Variants in GUCY1A2 observed in about 807,000 individuals in gnomAD.
GUCY1A2 encodes the protein guanylate cyclase 1 soluble subunit alpha 2.
GUCY1A2 carries 27 observed loss-of-function variants against 63.5 expected under a neutral mutation model. That is an observed-to-expected ratio of 0.43 (90% CI 0.31 to 0.59). GUCY1A2 has a LOEUF of 0.59. GUCY1A2 is among the 20% of genes least tolerant of loss of function. The probability of loss-of-function intolerance (pLI) is 0.11; values close to 1 mark genes in which losing one functional copy is unlikely to be tolerated. For synonymous variants in GUCY1A2, 364 were observed against 343.5 expected (o/e 1.06, Z -0.66); for missense variants, 768 against 913.3 (o/e 0.84, Z 2.05).
At chr11:106,699,300 A>C (rs1377968868) in intron 7 of GUCY1A2, among the ~76,000 whole-genome samples, 1 of 152,200 alleles carries the variant, frequency 6.6e-6, no homozygotes, top group African/African-American at 2.4e-5. Flanking sequence ...GTAAGGAGTG[A>C]CTTTTTCTTT....
chr11:106,869,219 C>T (rs1004410671), intron 4 of GUCY1A2, among the ~76,000 whole-genome samples: 27 of 152,276 alleles, frequency 1.8e-4, no homozygotes, highest in African/African-American at 4.8e-4. Flanking sequence ...ATGTCTAAAA[C>T]ACCAAAAGCA....
chr11:106,709,627 A>ATTATATACACGTATAGAATATATAGTTAG (rs1565264958), intron 6 of GUCY1A2, among the ~76,000 whole-genome samples: 13 of 30,410 alleles, frequency 4.3e-4, no homozygotes, highest in Admixed American at 1.5e-3. Context: ...ACGTGTATAT[A>ATTATATACACGTATAGAATATATAGTTAG]TTATATACAC....
chr11:106,906,900 A>C (rs1248791956), intron 4 of GUCY1A2, among the ~76,000 whole-genome samples: 1 of 152,142 alleles, frequency 6.6e-6, no homozygotes, highest in African/African-American at 2.4e-5. Flanking sequence ...ACACATGGAC[A>C]CAGGGAGGGG....
chr11:106,761,870 A>G (rs1181049370), intron 6 of GUCY1A2, among the ~76,000 whole-genome samples: 1 of 152,190 alleles, frequency 6.6e-6, no homozygotes, highest in South Asian at 2.1e-4. Flanking sequence ...GAAGAGAAAA[A>G]TAACACAGAA....
chr11:106,931,481 A>G (rs1369667605), intron 4 of GUCY1A2, among the ~76,000 whole-genome samples: 1 of 152,248 alleles, frequency 6.6e-6, no homozygotes, highest in Non-Finnish European at 1.5e-5. Flanking sequence ...TATATGATGC[A>G]ACAACTGCAA....
chr11:106,734,866 C>T (rs546201721), intron 6 of GUCY1A2, among the ~76,000 whole-genome samples: 102 of 152,110 alleles, frequency 6.7e-4, no homozygotes, highest in African/African-American at 2.3e-3. Flanking sequence ...GACCCATGGT[C>T]TTTCTTCAAA....
intron 4 of GUCY1A2, chr11:106,826,851 T>C (rs1858978041): frequency 2.5e-6 from 4 of 1,605,648 alleles, no homozygotes; most frequent in Non-Finnish European, 3.4e-6. Context: ...CAGGAAGGGA[T>C]GTGTGCATAT....
intron 4 of GUCY1A2, among the ~76,000 whole-genome samples, chr11:106,829,723 C>T (rs1187001840): frequency 6.6e-6 from 1 of 152,090 alleles, no homozygotes; most frequent in Non-Finnish European, 1.5e-5. Flanking sequence ...CCTGGACTAT[C>T]AAGATGAAAT....
intron 4 of GUCY1A2, among the ~76,000 whole-genome samples, chr11:106,883,773 GC>G (rs1859859529): frequency 6.6e-6 from 1 of 152,046 alleles, no homozygotes; most frequent in Non-Finnish European, 1.5e-5. Flanking sequence ...GTCCTCTTGA[GC>G]AATGTACGTC....
chr11:106,847,793 G>A (rs1244063981), intron 4 of GUCY1A2, among the ~76,000 whole-genome samples: 1 of 151,356 alleles, frequency 6.6e-6, no homozygotes, highest in East Asian at 1.9e-4. Context: ...CTAAAGAAAG[G>A]ACAGACCAAA....
intron 2 of GUCY1A2, among the ~76,000 whole-genome samples, chr11:106,985,760 TCAC>T (rs1175385649): frequency 2.6e-5 from 4 of 151,996 alleles, no homozygotes; most frequent in Admixed American, 6.6e-5. Flanking sequence ...CCAATAAAGC[TCAC>T]CACATTAGTA....
At chr11:106,786,036 C>T (rs564067519) in intron 5 of GUCY1A2, among the ~76,000 whole-genome samples, 120 of 152,266 alleles carry the variant, frequency 7.9e-4, no homozygotes, top group African/African-American at 2.6e-3. Flanking sequence ...CAGACTACAA[C>T]AACCAGTCCA....
At chr11:106,794,601 T>C (rs527736114) in intron 5 of GUCY1A2, among the ~76,000 whole-genome samples, 2 of 152,230 alleles carry the variant, frequency 1.3e-5, no homozygotes, top group African/African-American at 4.8e-5. Flanking sequence ...TCTATGCATA[T>C]ATCAAATTGT....
intron 5 of GUCY1A2, among the ~76,000 whole-genome samples, chr11:106,779,167 C>CAGATCTATCA (rs1486918693): frequency 6.6e-6 from 1 of 152,186 alleles, no homozygotes; most frequent in African/African-American, 2.4e-5. Flanking sequence ...CAAATACCCC[C>CAGATCTATCA]AGATCTATCA....
Position 106,683,413 on chromosome 11 carries a change from C to T in GUCY1A2, c.*4136G>A, listed in dbSNP as rs1315191612. ...ACATTCAGTGAAGCTGTATGAAGTG[C>T]TTGGAGTCAGACTGTGTTTTGAAGA... On this transcript the variant is annotated 3_prime_UTR_variant, in exon 8 of 8. Coordinates refer to ENST00000526355, the MANE Select transcript of GUCY1A2 (RefSeq NM_000855.3). 1.3e-5 allele frequency: 3 copies of T among 225,594 alleles called. No individual in the cohort carries two copies. The highest frequency in any genetic ancestry group is 2.6e-5 in the Non-Finnish European group (3 of 113,280). The allele number at this position is 225,594 out of a possible 1,614,324, so 14.0% of individuals were successfully genotyped here.
chr11:106,920,420 A>C (rs1376621398), intron 4 of GUCY1A2, among the ~76,000 whole-genome samples: 1 of 152,172 alleles, frequency 6.6e-6, no homozygotes, highest in African/African-American at 2.4e-5. Context: ...AAAAGATAAA[A>C]AGAAAAACTT....
chr11:107,015,551 T>G (rs1292326466), intron 1 of GUCY1A2, among the ~76,000 whole-genome samples: 1 of 103,082 alleles, frequency 9.7e-6, no homozygotes, highest in Non-Finnish European at 1.8e-5. Context: ...AATCTGTAAA[T>G]TCTCTTAGGC....
In GUCY1A2 at chr11:106,681,573, A is replaced by G. The variant is rs1018558358; in HGVS notation, c.*5976T>C. ...ATCTGATGTATATTAATCACTTTAC[A>G]GCATGTTTGCAAATGAATAACTTCT... On this transcript the variant is annotated 3_prime_UTR_variant, in exon 8 of 8. Transcript: ENST00000526355. 9.4e-5 allele frequency: 21 copies of G among 222,942 alleles called. No homozygotes were observed. The highest frequency in any genetic ancestry group is 4.7e-4 in the African/African-American group (21 of 44,902). 13.8% of individuals were successfully genotyped at this position (222,942 alleles called of 1,614,324 possible).
intron 5 of GUCY1A2, among the ~76,000 whole-genome samples, chr11:106,809,259 C>T (rs539444556): frequency 4.2e-4 from 64 of 152,002 alleles, no homozygotes; most frequent in Non-Finnish European, 8.2e-4. Context: ...TAAAAAAAGC[C>T]CTATGCCCTG....
Sources: allele counts gnomAD v4.1 joint callset (sites outside exome capture counted in the v4.1 genomes callset), GRCh38; gene constraint gnomAD v4.1.1; transcripts MANE v1.5; gene names NCBI Gene and HGNC (gene_info 2026-07-23, HGNC 2026-07-21).